RBFOX1: variants seen among roughly 807,000 people sequenced by gnomAD.
RBFOX1 encodes the protein RNA binding protein fox-1 homolog 1.
RBFOX1 carries 8 observed loss-of-function variants against 57.7 expected under a neutral mutation model. The ratio of observed to expected loss-of-function variants is 0.14; its 90% CI spans 0.08 to 0.25. RBFOX1 has a LOEUF of 0.25. RBFOX1 is among the 10% of genes least tolerant of loss of function. The pLI, the probability that RBFOX1 is intolerant of heterozygous loss-of-function variation, is 1.00. For synonymous variants in RBFOX1, 326 were observed against 222.4 expected, an observed-to-expected ratio of 1.47 and a Z score of -4.15; for missense variants, 611 against 548.5, an observed-to-expected ratio of 1.11 and a Z score of -1.14.
At chr16:7,691,812 C>T (rs528053950) in intron 14 of RBFOX1, among the ~76,000 whole-genome samples, 2 of 152,268 alleles carry the variant, frequency 1.3e-5, no homozygotes, top group East Asian at 3.9e-4. Flanking sequence ...AGCTGCCCCA[C>T]CCTCCTGCCA....
chr16:5,603,148 G>T (rs2047423338), downstream of RBFOX1, among the ~76,000 whole-genome samples: 1 of 152,170 alleles, frequency 6.6e-6, no homozygotes, highest in Non-Finnish European at 1.5e-5. Context: ...CTTTGGCACT[G>T]TCTCCCAGAA....
intron 1 of RBFOX1, among the ~76,000 whole-genome samples, chr16:6,022,520 A>C (rs1463912720): frequency 6.6e-6 from 1 of 152,062 alleles, no homozygotes; most frequent in African/African-American, 2.4e-5. Context: ...GTCTGTACTA[A>C]AAATACAAAC....
intron 1 of RBFOX1, among the ~76,000 whole-genome samples, chr16:6,133,363 G>T (rs1311311069): frequency 1.3e-5 from 2 of 152,142 alleles, no homozygotes. Flanking sequence ...TTCATTTTTA[G>T]TGCCTATCAG....
At chr16:6,161,523 C>G (rs1196586260) in intron 1 of RBFOX1, among the ~76,000 whole-genome samples, 1 of 152,118 alleles carries the variant, frequency 6.6e-6, no homozygotes, top group Non-Finnish European at 1.5e-5. Context: ...CAGAGAAAAC[C>G]TCATAGAATT....
chr16:6,544,270 G>C (rs115778146), intron 2 of RBFOX1, among the ~76,000 whole-genome samples: 1,620 of 152,286 alleles, frequency 0.011, 29 homozygotes, highest in African/African-American at 0.036. Flanking sequence ...AGGTGTGGTT[G>C]CAAGAAATTA....
chr16:7,027,584 T>A (rs1248131072), intron 3 of RBFOX1, among the ~76,000 whole-genome samples: 1 of 152,120 alleles, frequency 6.6e-6, no homozygotes, highest in Non-Finnish European at 1.5e-5. Flanking sequence ...ACTAATGTAC[T>A]TAGAAATACC....
At chr16:6,313,665 A>T (rs148818606) in intron 1 of RBFOX1, among the ~76,000 whole-genome samples, 1 of 152,070 alleles carries the variant, frequency 6.6e-6, no homozygotes, top group Non-Finnish European at 1.5e-5. Context: ...CTTTGTTCCA[A>T]TGTCCTCCGA....
intron 3 of RBFOX1, among the ~76,000 whole-genome samples, chr16:5,678,808 C>A (rs1161133180): frequency 6.6e-6 from 1 of 152,186 alleles, no homozygotes; most frequent in African/African-American, 2.4e-5. Context: ...TTTGAGTCAA[C>A]CCGCTGTTCT....
chr16:7,429,679 G>A (rs1157106810), intron 4 of RBFOX1, among the ~76,000 whole-genome samples: 1 of 152,126 alleles, frequency 6.6e-6, no homozygotes, highest in East Asian at 1.9e-4. Flanking sequence ...CATGGGACAT[G>A]GCAAAGGTAG....
At chr16:5,413,209 A>T (rs928951488) in intron 1 of RBFOX1, among the ~76,000 whole-genome samples, 1 of 152,166 alleles carries the variant, frequency 6.6e-6, no homozygotes, top group South Asian at 2.1e-4. Context: ...ACTAAGAAAA[A>T]AAACCTGGCA....
At chr16:6,724,300 C>T (rs1290847168) in intron 3 of RBFOX1, among the ~76,000 whole-genome samples, 1 of 150,798 alleles carries the variant, frequency 6.6e-6, no homozygotes, top group Non-Finnish European at 1.5e-5. Context: ...ACCTCTGCCT[C>T]CTGGCTTCAA....
At chr16:6,668,272 T>A (rs918946964) in intron 3 of RBFOX1, among the ~76,000 whole-genome samples, 1 of 152,164 alleles carries the variant, frequency 6.6e-6, no homozygotes, top group Non-Finnish European at 1.5e-5. Flanking sequence ...GGCATGTGGG[T>A]TCTCCCAGAA....
intron 3 of RBFOX1, among the ~76,000 whole-genome samples, chr16:6,769,472 C>G (rs185012192): frequency 5.3e-4 from 80 of 152,304 alleles, no homozygotes; most frequent in South Asian, 1.2e-3. Flanking sequence ...TTTTTAGCAA[C>G]AGTGCAGCAT....
chr16:6,231,156 A>G (rs372641058), intron 1 of RBFOX1, among the ~76,000 whole-genome samples: 1 of 152,030 alleles, frequency 6.6e-6, no homozygotes, highest in South Asian at 2.1e-4. Flanking sequence ...AGAAGGGTAC[A>G]GTCAAGGAAA....
chr16:7,035,668 C>A (rs1003539963), intron 3 of RBFOX1, among the ~76,000 whole-genome samples: 4 of 152,044 alleles, frequency 2.6e-5, no homozygotes. Context: ...CTAATTAATC[C>A]TGATGATGAT....
At chr16:7,589,974 T>A (rs1458838443) in intron 7 of RBFOX1, among the ~76,000 whole-genome samples, 1 of 148,608 alleles carries the variant, frequency 6.7e-6, no homozygotes, top group Non-Finnish European at 1.5e-5. Context: ...TAAACCCATA[T>A]GTACTTAAGG....
chr16:7,394,552 G>A (rs904926964), intron 4 of RBFOX1, among the ~76,000 whole-genome samples: 9 of 152,036 alleles, frequency 5.9e-5, no homozygotes, highest in African/African-American at 1.4e-4. Flanking sequence ...ATCTTCTTGC[G>A]TTTCCATTTA....
chr16:5,929,543 A>G (rs2059004864), intron 4 of RBFOX1, among the ~76,000 whole-genome samples: 1 of 152,160 alleles, frequency 6.6e-6, no homozygotes, highest in Non-Finnish European at 1.5e-5. Context: ...ACCTCTTACT[A>G]TACTGCAAGA....
chr16:5,590,184 C>T (rs1333393691), intron 2 of RBFOX1, among the ~76,000 whole-genome samples: 3 of 151,898 alleles, frequency 2.0e-5, no homozygotes, highest in African/African-American at 4.8e-5. Context: ...CAGTCTGAAA[C>T]GATTTACATG....
Sources: allele counts gnomAD v4.1 joint callset (sites outside exome capture counted in the v4.1 genomes callset), GRCh38; gene constraint gnomAD v4.1.1; transcripts MANE v1.5; gene names NCBI Gene and HGNC (gene_info 2026-07-23, HGNC 2026-07-21).